Variants in XKRX observed in about 807,000 individuals in gnomAD.
The protein encoded by XKRX is XK-related protein 2.
In XKRX, 11 loss-of-function variants were observed where a neutral mutation model predicts 22.4. The ratio of observed to expected loss-of-function variants is 0.49; its 90% CI spans 0.31 to 0.81. The LOEUF is 0.81. Among genes scored for constraint, XKRX ranks in the 40% least tolerant of loss-of-function variants. The probability of loss-of-function intolerance (pLI) is 0.05; values close to 1 mark genes in which losing one functional copy is unlikely to be tolerated. For synonymous variants in XKRX, 114 were observed against 132.2 expected, an observed-to-expected ratio of 0.86 and a Z score of 0.94; for missense variants, 320 against 336.5, an observed-to-expected ratio of 0.95 and a Z score of 0.38.
chrX:100,897,615 G>A, the XKRX span, among the ~76,000 whole-genome samples: 8 of 93,569 alleles, frequency 8.5e-5, no homozygotes, highest in South Asian at 1.1e-3. Flanking sequence ...GTGTGTGTGT[G>A]TGTGTGTGTG....
chrX:100,908,133 G>GTGTGTGTGTGTA, the XKRX span, among the ~76,000 whole-genome samples: 1 of 109,425 alleles, frequency 9.1e-6, no homozygotes, highest in African/African-American at 3.3e-5. Context: ...GTGTGTGTGT[G>GTGTGTGTGTGTA]TGTGTTTGAA....
At chrX:100,921,201 AT>A (rs748816020) in intron 2 of XKRX, among the ~76,000 whole-genome samples, 2 of 110,174 alleles carry the variant, frequency 1.8e-5, no homozygotes, top group Non-Finnish European at 3.8e-5. Context: ...CCCATCCTTG[AT>A]TTTTTTTGTG....
the XKRX span, among the ~76,000 whole-genome samples, chrX:100,936,105 C>T: frequency 3.6e-5 from 4 of 111,582 alleles, no homozygotes; most frequent in Admixed American, 1.9e-4. Flanking sequence ...TCAATATATA[C>T]GTTTTCTGCC....
rs767664340 is a variant in XKRX, at chrX:100,914,769, C to T, written c.919G>A (p.Gly307Ser). The T allele has an allele frequency of 1.1e-5, 13 of 1,209,530 alleles. No individual in the cohort carries two copies. Among genetic ancestry groups the T allele is most frequent in the Middle Eastern group, 2.3e-4 (1 of 4,354 alleles). Reference sequence around the variant, plus strand: ...ACTGAAATCAGGACCACCAGAGTGCCGACCCGGCTGAAGTTTTTCTCAATG... The same window carrying T: ...ACTGAAATCAGGACCACCAGAGTGCTGACCCGGCTGAAGTTTTTCTCAATG... The part of the protein sequence containing the change: ...NNIEKNFSRV[G>S]TLVVLISVTI... The change falls in exon 3 of 3, where the codon GGC (glycine) becomes AGC (serine). Residue 307 changes from glycine to serine, a missense_variant. Coordinates refer to ENST00000372956, the MANE Select transcript of XKRX (RefSeq NM_212559.3).
chrX:100,904,371 A>G, the XKRX span, among the ~76,000 whole-genome samples: 3 of 112,482 alleles, frequency 2.7e-5, no homozygotes, highest in East Asian at 8.3e-4. Flanking sequence ...CAGAGACTTA[A>G]ATGTAAAACA....
At chrX:100,955,223 C>G in the XKRX span, among the ~76,000 whole-genome samples, 1 of 112,022 alleles carries the variant, frequency 8.9e-6, no homozygotes, top group African/African-American at 3.2e-5. Context: ...CTGGTGAAAT[C>G]TGAATACAGT....
upstream of XKRX, among the ~76,000 whole-genome samples, chrX:100,932,782 G>A (rs956475109): frequency 6.2e-5 from 7 of 112,517 alleles, no homozygotes; most frequent in East Asian, 2.0e-3. Context: ...TTGGTGGGAG[G>A]TGATGGGCAA....
downstream of XKRX, chrX:100,911,201 C>T: frequency 2.8e-6 from 2 of 717,460 alleles, no homozygotes; most frequent in East Asian, 3.2e-5. Flanking sequence ...AAGAAAACCA[C>T]CTAAATATGA....
At chrX:100,915,361 C>T (rs922714089) in intron 2 of XKRX, among the ~76,000 whole-genome samples, 2 of 110,217 alleles carry the variant, frequency 1.8e-5, no homozygotes, top group Non-Finnish European at 3.8e-5. Context: ...TGAGATATCA[C>T]CTCACACCTG....
chrX:100,957,751 T>C, the XKRX span, among the ~76,000 whole-genome samples: 123 of 112,670 alleles, frequency 1.1e-3, no homozygotes, highest in African/African-American at 3.7e-3. Flanking sequence ...TATGGAATAA[T>C]TGACAAATTA....
chrX:100,947,945 C>A, the XKRX span, among the ~76,000 whole-genome samples: 1 of 108,346 alleles, frequency 9.2e-6, no homozygotes, highest in Non-Finnish European at 1.9e-5. Context: ...CTCTTTTGCC[C>A]AGGCTGGAGT....
At chrX:100,899,519 AAG>A in the XKRX span, among the ~76,000 whole-genome samples, 1 of 112,636 alleles carries the variant, frequency 8.9e-6, no homozygotes, top group Non-Finnish European at 1.9e-5. Flanking sequence ...TGTCTCAAAA[AAG>A]AGAGAGAGAA....
chrX:100,921,645 A>C (rs1299922248), intron 2 of XKRX, among the ~76,000 whole-genome samples: 1 of 110,659 alleles, frequency 9.0e-6, no homozygotes, highest in Non-Finnish European at 1.9e-5. Context: ...ACAACAATTT[A>C]TCTCAACTTT....
the XKRX span, among the ~76,000 whole-genome samples, chrX:100,957,715 GTC>G: frequency 1.8e-5 from 2 of 112,634 alleles, no homozygotes; most frequent in Non-Finnish European, 3.7e-5. Flanking sequence ...TCAACACAAA[GTC>G]TCTGTTTTGT....
At chrX:100,899,420 G>T in the XKRX span, among the ~76,000 whole-genome samples, 3 of 112,259 alleles carry the variant, frequency 2.7e-5, no homozygotes, top group Non-Finnish European at 5.6e-5. Flanking sequence ...GAGGTTGAGG[G>T]GGGAGGATCA....
In XKRX at chrX:100,924,352, T is replaced by C. The variant is rs762260202; in HGVS notation, c.336-1291A>G. Among the ~76,000 whole-genome samples, 4 of 111,887 alleles carry C rather than the reference T, an allele frequency of 3.6e-5. No homozygotes were observed. In the East Asian group the frequency reaches 8.4e-4, roughly 23 times the overall value. On this transcript the variant is annotated intron_variant, in intron 1 of 2. Transcript: ENST00000372956. ...CTGTAATAGTTACTTTTTGTGCCTCTTGTCCTGTTTGTGGACAAAAGCCTT... is the reference window on the plus strand; with the variant it reads ...CTGTAATAGTTACTTTTTGTGCCTCCTGTCCTGTTTGTGGACAAAAGCCTT...
chrX:100,890,327 T>C, the XKRX span, among the ~76,000 whole-genome samples: 1 of 110,961 alleles, frequency 9.0e-6, no homozygotes, highest in East Asian at 2.8e-4. Context: ...TCAGACTGAA[T>C]TCTATGACAC....
rs1018632047 is a variant in XKRX, at chrX:100,913,453, G to C, written c.*885C>G. Reference sequence around the variant, plus strand: ...TACTCAGGACAACAGCAGACACAAAGCAGTCTTCATTTCTTCCACACATCG... The same window carrying C: ...TACTCAGGACAACAGCAGACACAAACCAGTCTTCATTTCTTCCACACATCG... On this transcript the variant is annotated 3_prime_UTR_variant, in exon 3 of 3. Transcript: ENST00000372956. 3.5e-4 allele frequency: 38 copies of C among 109,201 alleles called. No individual in the cohort carries two copies. The highest frequency in any genetic ancestry group is 1.3e-3 in the African/African-American group (38 of 29,864). The allele number at this position is 109,201 out of a possible 1,213,427, so 9.0% of individuals were successfully genotyped here. A position where few individuals can be genotyped will look rare whatever the true frequency, so the allele number is the denominator to read the frequency against.
chrX:100,928,837 G>A lies in XKRX; in HGVS notation c.-533C>T. ...GAAGGAGGGCAGAAGAGGGGATTCA[G>A]TTCAGTGCCTAGGTATCCTAGCTAT... On this transcript the variant is annotated 5_prime_UTR_variant, in exon 1 of 3. Coordinates refer to ENST00000372956, the MANE Select transcript of XKRX (RefSeq NM_212559.3). 1 of 755,985 alleles carries A rather than the reference G, an allele frequency of 1.3e-6. No individual in the cohort carries two copies. The allele number at this position is 755,985 out of a possible 1,213,427, so 62.3% of individuals were successfully genotyped here.
Sources: allele counts gnomAD v4.1 joint callset (sites outside exome capture counted in the v4.1 genomes callset), GRCh38; gene constraint gnomAD v4.1.1; transcripts MANE v1.5; gene names NCBI Gene and HGNC (gene_info 2026-07-23, HGNC 2026-07-21).